ZDHHC14: variants seen among roughly 807,000 people sequenced by gnomAD.
ZDHHC14 encodes the protein zDHHC palmitoyltransferase 14, also known as palmitoyltransferase ZDHHC14.
Under a neutral mutation model 47.7 loss-of-function variants are expected in ZDHHC14, and 16 were observed. The ratio of observed to expected loss-of-function variants is 0.34; its 90% CI spans 0.23 to 0.51. The LOEUF (loss-of-function observed/expected upper bound fraction) is 0.51, where lower values mean the gene tolerates loss of function less well. ZDHHC14 is among the 20% of genes least tolerant of loss of function. The pLI is 0.97. For missense variants in ZDHHC14, 515 were observed against 662.5 expected (o/e 0.78, Z 2.44); for synonymous variants, 293 against 278.9 (o/e 1.05, Z -0.50).
chr6:157,571,782 T>TC (rs943117994), intron 2 of ZDHHC14, among the ~76,000 whole-genome samples: 1 of 150,940 alleles, frequency 6.6e-6, no homozygotes, highest in African/African-American at 2.4e-5. Flanking sequence ...CTGTATTTTT[T>TC]TTTTTTTTTT....
In ZDHHC14 at chr6:157,624,864, G is replaced by A. The variant is rs202123383; in HGVS notation, c.566-3485G>A. ...TGTGCTGCTGTGACAGAGTACCACA[G>A]ACCGGGTAACTTATAAAGAGCAGAG... is the stretch of plus-strand genomic sequence containing the variant. On this transcript the variant is annotated intron_variant, in intron 3 of 8. Transcript: ENST00000359775. Among the ~76,000 whole-genome samples the A allele has an allele frequency of 2.6e-5, 4 of 152,216 alleles. No homozygotes were observed. The South Asian group carries it at 6.2e-4, about 24-fold the overall frequency.
chr6:157,602,506 A>G (rs74648899), intron 3 of ZDHHC14, among the ~76,000 whole-genome samples: 56 of 145,432 alleles, frequency 3.9e-4, no homozygotes, highest in Middle Eastern at 3.6e-3. Context: ...AAAAAAAAAA[A>G]AACGCATTCA....
intron 1 of ZDHHC14, among the ~76,000 whole-genome samples, chr6:157,442,194 C>A (rs1309985398): frequency 6.6e-6 from 1 of 152,084 alleles, no homozygotes; most frequent in African/African-American, 2.4e-5. Context: ...GAGTTTGAGA[C>A]AAGCCTAGGC....
At chr6:157,567,169 T>TA (rs1270278584) in intron 2 of ZDHHC14, among the ~76,000 whole-genome samples, 5 of 152,116 alleles carry the variant, frequency 3.3e-5, no homozygotes, top group African/African-American at 1.2e-4. Context: ...GGGGTTTTAT[T>TA]ACTTGTGACA....
chr6:157,535,177 C>T (rs1781501126), intron 1 of ZDHHC14, among the ~76,000 whole-genome samples: 1 of 152,148 alleles, frequency 6.6e-6, no homozygotes, highest in Admixed American at 6.5e-5. Context: ...CCTTGTCTCC[C>T]CTCCTCCGCT....
intron 1 of ZDHHC14, among the ~76,000 whole-genome samples, chr6:157,441,007 G>A (rs879733454): frequency 7.9e-5 from 12 of 152,296 alleles, no homozygotes; most frequent in Admixed American, 3.9e-4. Context: ...CAAACGAAAA[G>A]GAATGTGACT....
At chr6:157,481,359 C>T (rs1407900637) in intron 1 of ZDHHC14, among the ~76,000 whole-genome samples, 3 of 152,118 alleles carry the variant, frequency 2.0e-5, no homozygotes, top group Non-Finnish European at 2.9e-5. Flanking sequence ...GAGGTTGAGC[C>T]GTTATGAGTG....
Position 157,502,508 on chromosome 6 carries a change from G to T in ZDHHC14, c.246-40077G>T, listed in dbSNP as rs1780214576. ...CCATGCTCAGCAACCCCAAATTTCT[G>T]AGTCTTGTCCCTGCTACCTGATCCC... is the stretch of plus-strand genomic sequence containing the variant. On this transcript the variant is annotated intron_variant, in intron 1 of 8. Transcript: ENST00000359775. This position sits in a 1 kb window ranked among gnomAD's most constrained non-coding sequence, Gnocchi z 4.0. Among the ~76,000 whole-genome samples the T allele has an allele frequency of 6.6e-6, 1 of 152,168 alleles. No homozygotes were observed. Among genetic ancestry groups the T allele is most frequent in the Non-Finnish European group, 1.5e-5 (1 of 68,022 alleles).
chr6:157,624,338 C>T (rs1377249692), intron 3 of ZDHHC14, among the ~76,000 whole-genome samples: 1 of 152,208 alleles, frequency 6.6e-6, no homozygotes, highest in Non-Finnish European at 1.5e-5. Flanking sequence ...GGTCTCCCTG[C>T]TTTTCCATGG....
At chr6:157,545,631 G>A (rs1218821489) in intron 2 of ZDHHC14, among the ~76,000 whole-genome samples, 3 of 151,694 alleles carry the variant, frequency 2.0e-5, no homozygotes, top group African/African-American at 7.3e-5. Flanking sequence ...CCGAGATCAC[G>A]CCACTGCACA....
Position 157,596,585 on chromosome 6 carries a change from T to G in ZDHHC14, c.565+3439T>G, listed in dbSNP as rs202099258. The stretch of plus-strand genomic sequence containing the variant: ...TATAGAGTTAGTTGGCAGGCCCCAG[T>G]GGTTGGGGACCTGGCTCTGAGAACA... On this transcript the variant is annotated intron_variant, in intron 3 of 8. Transcript: ENST00000359775. Among the ~76,000 whole-genome samples, 11 of 152,270 alleles carry G rather than the reference T, an allele frequency of 7.2e-5. No homozygotes were observed. The East Asian group carries it at 2.1e-3, about 29-fold the overall frequency.
At chr6:157,614,420 T>C (rs1263189226) in intron 3 of ZDHHC14, among the ~76,000 whole-genome samples, 1 of 151,828 alleles carries the variant, frequency 6.6e-6, no homozygotes, top group African/African-American at 2.4e-5. Context: ...TGAAAAGTAA[T>C]GAGGAAACTC....
At chr6:157,552,749 C>T (rs1191102553) in intron 2 of ZDHHC14, among the ~76,000 whole-genome samples, 4 of 152,136 alleles carry the variant, frequency 2.6e-5, no homozygotes, top group Non-Finnish European at 1.5e-5. Context: ...GCCTTCCCTG[C>T]AGAGCCTCTC....
intron 4 of ZDHHC14, 22 bp from the exon 5 acceptor site, chr6:157,632,812 A>G (rs1785803407): frequency 6.2e-7 from 1 of 1,613,536 alleles, no homozygotes; most frequent in South Asian, 1.1e-5. Context: ...CTGAATACTA[A>G]ATGTTGGTTT....
At chr6:157,663,692 G>A (rs945673515) in intron 8 of ZDHHC14, among the ~76,000 whole-genome samples, 11 of 152,170 alleles carry the variant, frequency 7.2e-5, no homozygotes, top group Non-Finnish European at 1.6e-4. Context: ...AAGCACGCAA[G>A]CAGAGCTGGC....
intron 1 of ZDHHC14, among the ~76,000 whole-genome samples, chr6:157,498,902 T>C (rs1780131489): frequency 6.6e-6 from 1 of 152,216 alleles, no homozygotes; most frequent in African/African-American, 2.4e-5. Context: ...TCAGTGGTTG[T>C]TATGCTGGAA....
chr6:157,577,625 C>T (rs1783355009), intron 2 of ZDHHC14, among the ~76,000 whole-genome samples: 1 of 152,214 alleles, frequency 6.6e-6, no homozygotes, highest in South Asian at 2.1e-4. Context: ...TCTAGGCTCA[C>T]TGCAACCTCC....
chr6:157,545,652 C>T (rs111267452), intron 2 of ZDHHC14, among the ~76,000 whole-genome samples: 7 of 149,656 alleles, frequency 4.7e-5, no homozygotes, highest in East Asian at 3.9e-4. Flanking sequence ...CCAGCCTGGG[C>T]GACAGGGGAG....
At chr6:157,657,392 T>G (rs1376519080) in intron 8 of ZDHHC14, among the ~76,000 whole-genome samples, 1 of 152,162 alleles carries the variant, frequency 6.6e-6, no homozygotes, top group South Asian at 2.1e-4. Flanking sequence ...CCAGAGAGCT[T>G]CCAGGGGAAG....
Sources: gnomAD v4.1 joint callset for allele counts (sites outside exome capture counted in the v4.1 genomes callset) on GRCh38, gnomAD v4.1.1 for gene constraint, Gnocchi (gnomAD v3.1) non-coding constraint, MANE v1.5 for transcripts, NCBI Gene and HGNC (gene_info 2026-07-23, HGNC 2026-07-21) for gene names.